SEMA3A: variants seen among roughly 807,000 people sequenced by gnomAD.
SEMA3A encodes the protein semaphorin 3A, also known as semaphorin-3A.
A neutral mutation model predicts 97.9 loss-of-function variants in SEMA3A; 29 were observed. The observed-to-expected ratio is 0.30, with a 90% CI of 0.22 to 0.40. The LOEUF (loss-of-function observed/expected upper bound fraction) is 0.40. Ranked by LOEUF, SEMA3A falls within the 10% of genes least tolerant of loss-of-function variation. SEMA3A has a pLI of 1.00. For synonymous variants in SEMA3A, 321 were observed against 323.7 expected, an observed-to-expected ratio of 0.99 and a Z score of 0.09; for missense variants, 763 against 951.3, an observed-to-expected ratio of 0.80 and a Z score of 2.60.
At chr7:84,206,045 A>C (rs531731752) in intron 3 of SEMA3A, among the ~76,000 whole-genome samples, 1 of 152,300 alleles carries the variant, frequency 6.6e-6, no homozygotes, top group East Asian at 1.9e-4. Context: ...ACATTTAACA[A>C]GATGCAGGAT....
chr7:84,033,455 C>G (rs931206114), intron 6 of SEMA3A, among the ~76,000 whole-genome samples: 203 of 152,264 alleles, frequency 1.3e-3, no homozygotes, highest in African/African-American at 4.3e-3. Context: ...AAAGAACACA[C>G]TTAGCCTATG....
At chr7:84,021,549 G>C (rs762267800) in intron 6 of SEMA3A, among the ~76,000 whole-genome samples, 7 of 152,124 alleles carry the variant, frequency 4.6e-5, no homozygotes, top group Non-Finnish European at 8.8e-5. Context: ...ACGTTGTATG[G>C]TCTATTGCCT....
chr7:84,368,048 A>G (rs193213428), intron 2 of SEMA3A, among the ~76,000 whole-genome samples: 3 of 151,304 alleles, frequency 2.0e-5, no homozygotes, highest in Non-Finnish European at 4.4e-5. Flanking sequence ...ACTTGAGTAT[A>G]TAAGTGAGCA....
At chr7:84,352,140 T>C (rs1165412655) in intron 2 of SEMA3A, among the ~76,000 whole-genome samples, 1 of 151,388 alleles carries the variant, frequency 6.6e-6, no homozygotes, top group Non-Finnish European at 1.5e-5. Context: ...AAAGACAAAC[T>C]TTGCATGTTT....
At chr7:83,970,785 A>C (rs1788882255) in intron 15 of SEMA3A, among the ~76,000 whole-genome samples, 2 of 152,166 alleles carry the variant, frequency 1.3e-5, no homozygotes. Context: ...TTTTATTATA[A>C]TTTTAGTATT....
chr7:84,034,297 T>C (rs1221825778), intron 6 of SEMA3A, among the ~76,000 whole-genome samples: 2 of 152,184 alleles, frequency 1.3e-5, no homozygotes, highest in African/African-American at 4.8e-5. Flanking sequence ...TATGGTCTTT[T>C]ATCTTATCTT....
chr7:84,285,561 A>G (rs1427253706), intron 3 of SEMA3A, among the ~76,000 whole-genome samples: 1 of 152,204 alleles, frequency 6.6e-6, no homozygotes, highest in Non-Finnish European at 1.5e-5. Context: ...AAATTCAAGC[A>G]TAATAAATCT....
In SEMA3A at chr7:83,991,505, A is replaced by C. The variant is rs573662498; in HGVS notation, c.1453-6028T>G. Among the ~76,000 whole-genome samples the C allele has an allele frequency of 3.2e-3, 478 of 151,064 alleles. 3 individuals carry two copies. The highest frequency in any genetic ancestry group is 0.011 in the African/African-American group (447 of 41,310). On this transcript the variant is annotated intron_variant, in intron 12 of 16. Transcript: ENST00000265362. ...TTGAAATACGTCCCATCAATACCTA[A>C]TTTATTGAGAGTTTTTAGCATGAAG...
rs1343819368 is a variant in SEMA3A, at chr7:84,142,734, C to T, written c.113-7783G>A. Reference sequence around the variant, plus strand: ...TAATCTTATCTACAACTATGGCTTTCACCACTAGCAGTATTTTGACAAGTC... The same window carrying T: ...TAATCTTATCTACAACTATGGCTTTTACCACTAGCAGTATTTTGACAAGTC... On this transcript the variant is annotated intron_variant, in intron 1 of 16. Transcript: ENST00000265362. Among the ~76,000 whole-genome samples, 3 of 152,148 alleles carry T rather than the reference C, an allele frequency of 2.0e-5. No homozygotes were observed. The East Asian group carries it at 5.8e-4, about 29-fold the overall frequency.
At chr7:84,029,836 C>T (rs1016719866) in intron 6 of SEMA3A, among the ~76,000 whole-genome samples, 2 of 134,402 alleles carry the variant, frequency 1.5e-5, no homozygotes, top group African/African-American at 5.6e-5. Context: ...CACACACACA[C>T]ACATTTTAGA....
chr7:84,411,567 T>TTTTATATATA (rs139877729), intron 1 of SEMA3A, among the ~76,000 whole-genome samples: 1 of 149,176 alleles, frequency 6.7e-6, no homozygotes, highest in African/African-American at 2.5e-5. Flanking sequence ...TTGGGTATAA[T>TTTTATATATA]TATATATATA....
intron 3 of SEMA3A, among the ~76,000 whole-genome samples, chr7:84,272,999 A>T (rs1025032685): frequency 7.2e-5 from 11 of 152,130 alleles, no homozygotes; most frequent in Non-Finnish European, 1.6e-4. Context: ...AAATAAATAT[A>T]GATTTGTGCA....
intron 1 of SEMA3A, among the ~76,000 whole-genome samples, chr7:84,406,472 A>G (rs1014187119): frequency 3.9e-5 from 6 of 152,220 alleles, no homozygotes; most frequent in Non-Finnish European, 8.8e-5. Flanking sequence ...CCAGAGGTAC[A>G]AAGAGGAGCT....
In SEMA3A at chr7:84,203,887, A is replaced by C. The variant is rs969749427; in HGVS notation, c.-82-9219T>G. ...TGCTTTTATGTTAAGCATGTATTGG[A>C]GTGTAGGCCATGGCATTAGAGAGAA... On this transcript the variant is annotated intron_variant, in intron 3 of 3. Transcript: ENST00000424555. Among the ~76,000 whole-genome samples, 4 of 152,036 alleles carry C rather than the reference A, an allele frequency of 2.6e-5. No individual in the cohort carries two copies. The East Asian group carries it at 7.7e-4, about 29-fold the overall frequency.
In SEMA3A at chr7:83,961,584, G is replaced by A. The variant is rs780310797; in HGVS notation, c.2103C>T (p.Val701=). The A allele has an allele frequency of 6.2e-6, 10 of 1,614,070 alleles. No homozygotes were observed. Among genetic ancestry groups the A allele is most frequent in the South Asian group, 1.1e-5 (1 of 91,082 alleles). Residue 701 remains valine (V), a synonymous_variant, in exon 17 of 17, where the codon GTC becomes GTT. Coordinates refer to ENST00000265362, the MANE Select transcript of SEMA3A (RefSeq NM_006080.3). ...TGAGCTGCATGAAGTCTCTGTACCA[G>A]ACCTTCTGGCTAGGTGTCATGCTAT... ...MSNSMTPSQK[V]WYRDFMQLIN...
chr7:84,210,483 CAG>C (rs140105209), intron 3 of SEMA3A, among the ~76,000 whole-genome samples: 8,576 of 152,098 alleles, frequency 0.056, 260 homozygotes, highest in Non-Finnish European at 0.07. Flanking sequence ...TTGTCATTAA[CAG>C]GGTATAAATT....
At chr7:84,043,953 T>C (rs1229110835) in intron 6 of SEMA3A, among the ~76,000 whole-genome samples, 1 of 152,050 alleles carries the variant, frequency 6.6e-6, no homozygotes, top group Non-Finnish European at 1.5e-5. Context: ...TTTAACTTGA[T>C]GGGTTTTTTT....
Position 84,002,165 on chromosome 7 carries a change from T to C in SEMA3A, c.1361-119A>G, listed in dbSNP as rs1292011768. Reference sequence around the variant, plus strand: ...CCTTTGATATCGGTCTTCCTTTTAATTCATTTTTTGGTCAAAACATGAGTA... The same window carrying C: ...CCTTTGATATCGGTCTTCCTTTTAACTCATTTTTTGGTCAAAACATGAGTA... On this transcript the variant is annotated intron_variant, in intron 11 of 16. Transcript: ENST00000265362. 5 of 591,346 alleles carry C rather than the reference T, an allele frequency of 8.5e-6. No homozygotes were observed. The Admixed American group carries it at 1.0e-4, about 12-fold the overall frequency. 36.6% of individuals were successfully genotyped at this position (591,346 alleles called of 1,614,324 possible).
intron 1 of SEMA3A, among the ~76,000 whole-genome samples, chr7:84,399,533 G>C (rs1184938168): frequency 6.6e-6 from 1 of 151,960 alleles, no homozygotes; most frequent in Non-Finnish European, 1.5e-5. Flanking sequence ...TTGGATGAAA[G>C]AGTGAAGAAT....
Sources: gnomAD v4.1 joint callset for allele counts (sites outside exome capture counted in the v4.1 genomes callset) on GRCh38, gnomAD v4.1.1 for gene constraint, MANE v1.5 for transcripts, NCBI Gene and HGNC (gene_info 2026-07-23, HGNC 2026-07-21) for gene names.